Variants in TRMT10B observed in about 807,000 individuals in gnomAD.
TRMT10B encodes the protein tRNA methyltransferase 10 homolog B.
In TRMT10B, 33 loss-of-function variants were observed where a neutral mutation model predicts 43.8. The ratio of observed to expected loss-of-function variants is 0.75; its 90% CI spans 0.57 to 1.01. The LOEUF (loss-of-function observed/expected upper bound fraction) is 1.01, where lower values mean the gene tolerates loss of function less well. Among genes scored for constraint, TRMT10B ranks in the 50% least tolerant of loss-of-function variants. The pLI is 0.00. For missense variants in TRMT10B, 362 were observed against 369.8 expected (o/e 0.98, Z 0.17); for synonymous variants, 137 against 130.6 (o/e 1.05, Z -0.34).
intron 5 of TRMT10B, among the ~76,000 whole-genome samples, chr9:37,769,308 TAAAAAAAAA>T (rs57651814): frequency 1.2e-3 from 72 of 60,722 alleles, no homozygotes; most frequent in South Asian, 2.8e-3. Flanking sequence ...ACCCTGTCTT[TAAAAAAAAA>T]AAAAAAAAAA....
chr9:37,767,979 G>A (rs1273513245), intron 4 of TRMT10B, 97 bp from the exon 5 acceptor site: 36 of 1,395,680 alleles, frequency 2.6e-5, no homozygotes, highest in Non-Finnish European at 3.5e-5. Context: ...GGGTTTTCTG[G>A]AGTAGCGTTC....
intron 7 of TRMT10B, among the ~76,000 whole-genome samples, 167 bp from the exon 8 acceptor site, chr9:37,776,115 A>AC (rs924244248): frequency 1.3e-5 from 2 of 151,794 alleles, no homozygotes; most frequent in African/African-American, 2.4e-5. Flanking sequence ...TGGATGAGTG[A>AC]CCCCCCAAAA....
chr9:37,772,022 A>C (rs1009014692), intron 7 of TRMT10B, among the ~76,000 whole-genome samples: 1 of 151,560 alleles, frequency 6.6e-6, no homozygotes, highest in Middle Eastern at 3.2e-3. Context: ...TTTTAATTTA[A>C]TTTTTTTGAG....
chr9:37,776,534 T>C (rs1828173449), intron 8 of TRMT10B, 129 bp downstream of exon 8: 1 of 1,192,458 alleles, frequency 8.4e-7, no homozygotes, highest in Non-Finnish European at 1.1e-6. Flanking sequence ...ATGTACGTCA[T>C]GACATATATT....
chr9:37,769,690 T>C (rs925362513), intron 5 of TRMT10B: 1 of 425,814 alleles, frequency 2.3e-6, no homozygotes. Flanking sequence ...CTCTGCCTCC[T>C]GGGCTCAAGC....
intron 1 of TRMT10B, among the ~76,000 whole-genome samples, chr9:37,755,268 C>CTTTTTTTTTT (rs61444533): frequency 8.0e-5 from 10 of 124,452 alleles, no homozygotes; most frequent in Non-Finnish European, 1.7e-4. Context: ...AAGACTCCGT[C>CTTTTTTTTTT]TTTTTTTTTT....
At chr9:37,769,882 C>A in intron 5 of TRMT10B, 59 bp from the exon 6 acceptor site, 6 of 1,387,002 alleles carry the variant, frequency 4.3e-6, no homozygotes, top group Admixed American at 1.7e-5. Flanking sequence ...GGATTACAGA[C>A]GTGAGCCACC....
At chr9:37,774,097 T>C (rs1237542757) in intron 7 of TRMT10B, among the ~76,000 whole-genome samples, 1 of 152,158 alleles carries the variant, frequency 6.6e-6, no homozygotes, top group African/African-American at 2.4e-5. Context: ...ACAATCAGCT[T>C]ACTCCAGGCT....
Position 37,762,130 on chromosome 9 carries a change from A to G in TRMT10B, c.186+13A>G, listed in dbSNP as rs375529008. The G allele has an allele frequency of 1.9e-5, 30 of 1,607,860 alleles. No homozygotes were observed. In the African/African-American group the frequency reaches 3.6e-4, roughly 19 times the overall value. On this transcript the variant is annotated intron_variant, in intron 2 of 8. Transcript: ENST00000297994. The stretch of plus-strand genomic sequence containing the variant: ...GGCATGGTGCTCGGTGAGTGCGTGA[A>G]TTGCCTGGCCATAGGCCTTGAATGA...
intron 5 of TRMT10B, among the ~76,000 whole-genome samples, chr9:37,768,765 T>C (rs1179109214): frequency 6.6e-6 from 1 of 152,232 alleles, no homozygotes; most frequent in African/African-American, 2.4e-5. Flanking sequence ...GGAAGGTCCA[T>C]GGAAGTGATG....
chr9:37,766,874 TTGTC>T (rs1827035850), intron 4 of TRMT10B: 1 of 152,180 alleles, frequency 6.6e-6, no homozygotes, highest in African/African-American at 2.4e-5. Context: ...ATTTGGCTGT[TTGTC>T]TGTTATTGGT....
rs568146244 is a variant in TRMT10B, at chr9:37,775,807, G to A, written c.721-475G>A. Among the ~76,000 whole-genome samples the A allele has an allele frequency of 4.1e-4, 63 of 152,280 alleles. 1 individual carries two copies. Among genetic ancestry groups the A allele is most frequent in the South Asian group, 1.7e-3 (8 of 4,824 alleles). On this transcript the variant is annotated intron_variant, in intron 7 of 8. Coordinates refer to ENST00000297994, the MANE Select transcript of TRMT10B (RefSeq NM_144964.4). ...TGGCCTTGGCCTCAAAGTGTTGTGTGAGGCACTTCACCTGGCCCCTTTCTT... is the reference window on the plus strand; with the variant it reads ...TGGCCTTGGCCTCAAAGTGTTGTGTAAGGCACTTCACCTGGCCCCTTTCTT...
Position 37,756,482 on chromosome 9 carries a change from G to T in TRMT10B, c.-30+2630G>T, listed in dbSNP as rs548724875. Among the ~76,000 whole-genome samples the T allele has an allele frequency of 4.1e-4, 63 of 152,030 alleles. 1 individual carries two copies. Among genetic ancestry groups the T allele is most frequent in the South Asian group, 1.7e-3 (8 of 4,818 alleles). On this transcript the variant is annotated intron_variant, in intron 1 of 8. Coordinates refer to ENST00000297994, the MANE Select transcript of TRMT10B (RefSeq NM_144964.4). ...AGCACTTTGGGAGCCTGAGATGGGT[G>T]GATCACTTGGGTCAGGAGTTTGAGA...
At position 37,770,738 on chromosome 9, in the gene TRMT10B, A is replaced by AG. The variant is rs1827484379; in HGVS notation, c.720+1dup. 1 of 1,613,788 alleles carries AG rather than the reference A, an allele frequency of 6.2e-7. No homozygotes were observed. On this transcript the variant is annotated frameshift_variant and splice_region_variant, in exon 7 of 9. Coordinates refer to ENST00000297994, the MANE Select transcript of TRMT10B (RefSeq NM_144964.4). LOFTEE classifies it high-confidence loss of function. ...GGGCTTGTGGATGAAAGCATTCAGA[A>AG]GGTAAGTATACATTTCAGCCCCAAC...
intron 1 of TRMT10B, among the ~76,000 whole-genome samples, chr9:37,759,177 A>G (rs914190926): frequency 6.6e-6 from 1 of 152,230 alleles, no homozygotes; most frequent in Non-Finnish European, 1.5e-5. Context: ...ACATGTATCC[A>G]TAAAAACACA....
upstream of TRMT10B, among the ~76,000 whole-genome samples, chr9:37,753,329 G>A (rs114218232): frequency 5.3e-3 from 805 of 152,270 alleles, 5 homozygotes; most frequent in African/African-American, 0.018. Flanking sequence ...CAAAGATTCT[G>A]TTGTGTCAGT....
At chr9:37,760,151 C>G (rs1036178679) in intron 1 of TRMT10B, among the ~76,000 whole-genome samples, 1 of 152,156 alleles carries the variant, frequency 6.6e-6, no homozygotes, top group Non-Finnish European at 1.5e-5. Context: ...CATGGTGAAA[C>G]CCCGTCTCTA....
chr9:37,764,969 G>T (rs1826825103), intron 4 of TRMT10B, among the ~76,000 whole-genome samples: 1 of 152,118 alleles, frequency 6.6e-6, no homozygotes, highest in African/African-American at 2.4e-5. Flanking sequence ...GGGCTTTGTA[G>T]TATCCAGGGG....
intron 1 of TRMT10B, among the ~76,000 whole-genome samples, chr9:37,756,198 G>T (rs1191662644): frequency 3.9e-5 from 6 of 152,138 alleles, no homozygotes; most frequent in Admixed American, 3.3e-4. Flanking sequence ...GAGATCACAT[G>T]GCTATTAACT....
Sources: gnomAD v4.1 joint callset for allele counts (sites outside exome capture counted in the v4.1 genomes callset) on GRCh38, gnomAD v4.1.1 for gene constraint, MANE v1.5 for transcripts, NCBI Gene and HGNC (gene_info 2026-07-23, HGNC 2026-07-21) for gene names.